Variants in PHYHIPL observed in about 807,000 individuals in gnomAD.
PHYHIPL encodes the protein phytanoyl-CoA 2-hydroxylase interacting protein like, also known as phytanoyl-CoA hydroxylase-interacting protein-like.
Under a neutral mutation model 33.4 loss-of-function variants are expected in PHYHIPL, and 9 were observed. The ratio of observed to expected loss-of-function variants is 0.27; its 90% CI spans 0.16 to 0.47. The LOEUF (loss-of-function observed/expected upper bound fraction) is 0.47. Among genes scored for constraint, PHYHIPL ranks in the 20% least tolerant of loss-of-function variants. PHYHIPL has a pLI of 0.99. For synonymous variants in PHYHIPL, 153 were observed against 154.1 expected (o/e 0.99, Z 0.05); for missense variants, 365 against 460.7 (o/e 0.79, Z 1.90).
chr10:59,240,455 G>A (rs543170562), intron 4 of PHYHIPL, among the ~76,000 whole-genome samples: 3 of 151,646 alleles, frequency 2.0e-5, no homozygotes, highest in South Asian at 2.1e-4. Context: ...GATAACTTAC[G>A]TTAGCCTACA....
chr10:59,221,145 T>C (rs1364676594), intron 1 of PHYHIPL, among the ~76,000 whole-genome samples: 2 of 152,028 alleles, frequency 1.3e-5, no homozygotes, highest in African/African-American at 4.8e-5. Context: ...TTTAATCATA[T>C]AATTGTTTGA....
intron 1 of PHYHIPL, among the ~76,000 whole-genome samples, chr10:59,214,379 CAAA>C (rs1334061740): frequency 4.6e-5 from 7 of 151,812 alleles, no homozygotes; most frequent in Admixed American, 4.6e-4. Context: ...CATCATCACA[CAAA>C]AAAGAAGTAT....
rs1242838417 is a variant in PHYHIPL at position 59,176,818 on chromosome 10, A to T, written c.-36A>T. ...CACCCGGCCGGCAGAGAGAGCCTGG[A>T]TACGAAGCAGGCGGGCTTCAGAGTG... On this transcript the variant is annotated 5_prime_UTR_variant, in exon 1 of 5. Coordinates refer to ENST00000373880, the MANE Select transcript of PHYHIPL (RefSeq NM_032439.4). The T allele has an allele frequency of 7.6e-6, 12 of 1,576,350 alleles. No homozygotes were observed. The highest frequency in any genetic ancestry group is 1.0e-5 in the Non-Finnish European group (12 of 1,155,206).
chr10:59,225,364 A>T (rs1387456487), intron 1 of PHYHIPL, among the ~76,000 whole-genome samples: 5 of 151,698 alleles, frequency 3.3e-5, no homozygotes, highest in Admixed American at 2.0e-4. Context: ...GATTGGATAG[A>T]GTGAAGGATG....
At chr10:59,220,403 A>G (rs1290800315) in intron 1 of PHYHIPL, among the ~76,000 whole-genome samples, 2 of 152,084 alleles carry the variant, frequency 1.3e-5, no homozygotes, top group Admixed American at 1.3e-4. Flanking sequence ...TTCCTACTCC[A>G]CTAAACCTTG....
At chr10:59,236,266 TTAA>T (rs1311682509) in intron 2 of PHYHIPL, among the ~76,000 whole-genome samples, 1 of 151,952 alleles carries the variant, frequency 6.6e-6, no homozygotes, top group African/African-American at 2.4e-5. Context: ...AGTCAGGAAC[TTAA>T]TAAGTTATTC....
intron 1 of PHYHIPL, among the ~76,000 whole-genome samples, chr10:59,229,594 G>C (rs1396982494): frequency 6.6e-6 from 1 of 152,116 alleles, no homozygotes; most frequent in African/African-American, 2.4e-5. Context: ...TGGATGATTC[G>C]TGAATCGGGC....
intron 1 of PHYHIPL, among the ~76,000 whole-genome samples, chr10:59,200,035 G>T (rs1036661621): frequency 6.6e-5 from 10 of 152,062 alleles, no homozygotes; most frequent in Admixed American, 1.3e-4. Flanking sequence ...TTTCCTAATT[G>T]AATACCCTTT....
chr10:59,206,687 A>T (rs1839292234), intron 1 of PHYHIPL: 1 of 641,682 alleles, frequency 1.6e-6, no homozygotes, highest in Non-Finnish European at 2.2e-6. Context: ...ATTGGTACAT[A>T]AGGGAGACAG....
chr10:59,229,159 C>CT (rs912800104), intron 1 of PHYHIPL, among the ~76,000 whole-genome samples: 1 of 152,080 alleles, frequency 6.6e-6, no homozygotes, highest in Admixed American at 6.5e-5. Context: ...AGCCAAGTAA[C>CT]TTTTTTTACT....
At chr10:59,180,257 TACACAC>T (rs140480148) in intron 1 of PHYHIPL, among the ~76,000 whole-genome samples, 3 of 118,940 alleles carry the variant, frequency 2.5e-5, no homozygotes, top group South Asian at 2.7e-4. Flanking sequence ...ATCATATATA[TACACAC>T]ACACACACAC....
chr10:59,204,518 C>T (rs983859944), intron 1 of PHYHIPL, among the ~76,000 whole-genome samples: 1 of 152,132 alleles, frequency 6.6e-6, no homozygotes, highest in African/African-American at 2.4e-5. Flanking sequence ...ATTTCAGAGT[C>T]CTGGATTAGT....
At position 59,211,265 on chromosome 10, in the gene PHYHIPL, C is replaced by T. The variant is rs554468926; in HGVS notation, c.107-23039C>T. On this transcript the variant is annotated intron_variant, in intron 1 of 4. Coordinates refer to ENST00000373880, the MANE Select transcript of PHYHIPL (RefSeq NM_032439.4). ...TGTTGCTGTGTACCTGTAGTCCTAG[C>T]CACTCAGGAGATGAGGCAGGAGGAT... Among the ~76,000 whole-genome samples, 3 of 152,072 alleles carry T rather than the reference C, an allele frequency of 2.0e-5. No homozygotes were observed. The South Asian group carries it at 6.2e-4, about 32-fold the overall frequency.
intron 1 of PHYHIPL, among the ~76,000 whole-genome samples, chr10:59,223,064 C>T (rs1333039693): frequency 6.6e-6 from 1 of 152,172 alleles, no homozygotes; most frequent in Admixed American, 6.5e-5. Context: ...CACTCTGTAA[C>T]TAATCATTGT....
chr10:59,199,890 T>C (rs1281002736), intron 1 of PHYHIPL, among the ~76,000 whole-genome samples: 2 of 152,178 alleles, frequency 1.3e-5, no homozygotes, highest in African/African-American at 4.8e-5. Context: ...TGCTTGTGAT[T>C]TTTGCACCTT....
intron 1 of PHYHIPL, among the ~76,000 whole-genome samples, chr10:59,186,368 G>A (rs1307422521): frequency 6.6e-6 from 1 of 152,120 alleles, no homozygotes; most frequent in African/African-American, 2.4e-5. Context: ...GGTTACCGTA[G>A]CCTTGTAGTA....
intron 1 of PHYHIPL, among the ~76,000 whole-genome samples, chr10:59,228,044 C>A (rs914791592): frequency 2.7e-5 from 4 of 149,800 alleles, no homozygotes; most frequent in Non-Finnish European, 5.9e-5. Flanking sequence ...CACCCTAAAA[C>A]TGTAATTGGG....
At chr10:59,174,862 T>A (rs1250903637), upstream of PHYHIPL, among the ~76,000 whole-genome samples, 2 of 152,250 alleles carry the variant, frequency 1.3e-5, no homozygotes, top group Non-Finnish European at 2.9e-5. Flanking sequence ...AATATATATC[T>A]TTCTTGATAA....
At chr10:59,237,663 A>G (rs376193791) in intron 3 of PHYHIPL, among the ~76,000 whole-genome samples, 1 of 152,016 alleles carries the variant, frequency 6.6e-6, no homozygotes, top group East Asian at 1.9e-4. Context: ...ACTGTGAGCT[A>G]GGCACTGTAC....
Sources: gnomAD v4.1 joint callset for allele counts (sites outside exome capture counted in the v4.1 genomes callset) on GRCh38, gnomAD v4.1.1 for gene constraint, MANE v1.5 for transcripts, NCBI Gene and HGNC (gene_info 2026-07-23, HGNC 2026-07-21) for gene names.